SLC4A10: variants seen among roughly 807,000 people sequenced by gnomAD.
SLC4A10 encodes the protein solute carrier family 4 member 10.
Under a neutral mutation model 137.7 loss-of-function variants are expected in SLC4A10, and 42 were observed. That is an observed-to-expected ratio of 0.30 (90% CI 0.24 to 0.39). The LOEUF is 0.39. Ranked by LOEUF, SLC4A10 falls within the 10% of genes least tolerant of loss-of-function variation. The probability of loss-of-function intolerance (pLI) is 1.00; values close to 1 mark genes in which losing one functional copy is unlikely to be tolerated. For synonymous variants in SLC4A10, 474 were observed against 464.1 expected, an observed-to-expected ratio of 1.02 and a Z score of -0.27; for missense variants, 925 against 1,355.0, an observed-to-expected ratio of 0.68 and a Z score of 4.98.
At chr2:161,967,941 C>G (rs1247000798) in intron 23 of SLC4A10, among the ~76,000 whole-genome samples, 5 of 150,136 alleles carry the variant, frequency 3.3e-5, no homozygotes. Flanking sequence ...TATTTTTCTG[C>G]TTTTTTTTGT....
chr2:161,951,255 A>G (rs891853035), intron 19 of SLC4A10, among the ~76,000 whole-genome samples: 1 of 152,172 alleles, frequency 6.6e-6, no homozygotes, highest in African/African-American at 2.4e-5. Context: ...AATAAATTAC[A>G]ACTTCAACTA....
intron 8 of SLC4A10, among the ~76,000 whole-genome samples, chr2:161,875,984 A>G (rs1366253363): frequency 2.6e-5 from 4 of 152,174 alleles, no homozygotes; most frequent in Non-Finnish European, 5.9e-5. Context: ...TTTAACTCTT[A>G]GCGTGTAGTT....
At position 161,771,013 on chromosome 2, in the gene SLC4A10, G is replaced by A. The variant is rs764362891; in HGVS notation, c.89G>A (p.Arg30His). Residue 30 changes from arginine to histidine, a missense_variant, in exon 2 of 27, where the codon CGT (arginine) becomes CAT (histidine). Transcript: ENST00000446997. ...GCAGTTGTGGATAGAGGTGGAACTCGTTCTATTCTCAAAACACACTTTGAG... is the reference window on the plus strand; with the variant it reads ...GCAGTTGTGGATAGAGGTGGAACTCATTCTATTCTCAAAACACACTTTGAG... ...EEAVVDRGGT[R>H]SILKTHFEKE... 1.4e-4 allele frequency: 221 copies of A among 1,605,968 alleles called. No homozygotes were observed. Among genetic ancestry groups the A allele is most frequent in the Non-Finnish European group, 1.8e-4 (208 of 1,175,798 alleles).
intron 1 of SLC4A10, among the ~76,000 whole-genome samples, chr2:161,727,599 A>G (rs2046368933): frequency 1.3e-5 from 2 of 152,196 alleles, no homozygotes; most frequent in South Asian, 4.1e-4. Context: ...AGAAGGTGCT[A>G]TTACACAGGA....
chr2:161,694,187 A>C (rs1037262422), intron 1 of SLC4A10, among the ~76,000 whole-genome samples: 3 of 152,060 alleles, frequency 2.0e-5, no homozygotes, highest in African/African-American at 7.2e-5. Flanking sequence ...AGTATAAATA[A>C]ATCAAAATTG....
chr2:161,978,545 A>G (rs1202229067), intron 26 of SLC4A10, among the ~76,000 whole-genome samples: 1 of 152,196 alleles, frequency 6.6e-6, no homozygotes, highest in African/African-American at 2.4e-5. Context: ...AAGAGGCTAC[A>G]TTAGACTTAG....
intron 21 of SLC4A10, among the ~76,000 whole-genome samples, chr2:161,958,970 T>C (rs1696141979): frequency 6.6e-6 from 1 of 152,304 alleles, no homozygotes; most frequent in East Asian, 1.9e-4. Context: ...AACAACCCAA[T>C]TCTCTAACTG....
intron 19 of SLC4A10, among the ~76,000 whole-genome samples, chr2:161,955,085 C>A (rs1222297420): frequency 2.6e-5 from 4 of 152,082 alleles, no homozygotes; most frequent in Non-Finnish European, 5.9e-5. Flanking sequence ...CATAATTTTG[C>A]AAAATAGCTC....
At chr2:161,899,143 A>G (rs1285100641) in intron 11 of SLC4A10, among the ~76,000 whole-genome samples, 2 of 152,118 alleles carry the variant, frequency 1.3e-5, no homozygotes, top group Non-Finnish European at 2.9e-5. Context: ...TGCACTAGAA[A>G]GAACCTATCT....
chr2:161,744,181 C>T (rs2048187530), intron 1 of SLC4A10, among the ~76,000 whole-genome samples: 1 of 152,024 alleles, frequency 6.6e-6, no homozygotes, highest in South Asian at 2.1e-4. Context: ...CAACAGCAGT[C>T]AAAGTGGGCA....
intron 2 of SLC4A10, among the ~76,000 whole-genome samples, chr2:161,788,227 G>A (rs557805167): frequency 9.2e-5 from 14 of 151,952 alleles, no homozygotes; most frequent in African/African-American, 3.1e-4. Context: ...AATGCTGCTT[G>A]TTGTAGACAT....
chr2:161,742,399 C>T (rs369186911), intron 1 of SLC4A10, among the ~76,000 whole-genome samples: 9 of 150,008 alleles, frequency 6.0e-5, no homozygotes, highest in South Asian at 4.2e-4. Context: ...AACCTGCATA[C>T]GGTTCTCCTT....
chr2:161,928,429 G>A (rs1689642379), intron 15 of SLC4A10, among the ~76,000 whole-genome samples: 2 of 148,352 alleles, frequency 1.3e-5, no homozygotes, highest in South Asian at 2.2e-4. Flanking sequence ...GCTAAATGAC[G>A]AGTTAATGGG....
chr2:161,790,477 TCAACTGGTGGAG>T (rs1257358826), intron 2 of SLC4A10, among the ~76,000 whole-genome samples: 2 of 152,186 alleles, frequency 1.3e-5, no homozygotes, highest in South Asian at 2.1e-4. Flanking sequence ...AGGATCAATG[TCAACTGGTGGAG>T]CAATTCTAAG....
intron 3 of SLC4A10, among the ~76,000 whole-genome samples, chr2:161,816,002 CT>C (rs2057023121): frequency 6.6e-6 from 1 of 152,104 alleles, no homozygotes; most frequent in South Asian, 2.1e-4. Flanking sequence ...CTAGATTTCA[CT>C]TTTTTCAGTT....
chr2:161,880,130 A>G (rs964655030), intron 9 of SLC4A10, among the ~76,000 whole-genome samples: 9 of 152,080 alleles, frequency 5.9e-5, no homozygotes, highest in African/African-American at 2.2e-4. Context: ...ATAGCCTTTT[A>G]CTCTAGTCCT....
At chr2:161,905,429 C>A (rs1684129472) in intron 14 of SLC4A10, among the ~76,000 whole-genome samples, 1 of 152,178 alleles carries the variant, frequency 6.6e-6, no homozygotes, top group Non-Finnish European at 1.5e-5. Context: ...CACTCGCCTG[C>A]CACTCACCTC....
At chr2:161,888,607 T>C (rs147931676) in intron 10 of SLC4A10, among the ~76,000 whole-genome samples, 4,898 of 152,258 alleles carry the variant, frequency 0.032, 135 homozygotes, top group Non-Finnish European at 0.047. Flanking sequence ...TATTGGTGTA[T>C]AGGAATGCTT....
chr2:161,936,914 A>T (rs1328576264), intron 15 of SLC4A10, among the ~76,000 whole-genome samples: 1 of 152,114 alleles, frequency 6.6e-6, no homozygotes, highest in Non-Finnish European at 1.5e-5. Flanking sequence ...CTTAAGGTAC[A>T]ATGTTATAGG....
Sources: gnomAD v4.1 joint callset for allele counts (sites outside exome capture counted in the v4.1 genomes callset) on GRCh38, gnomAD v4.1.1 for gene constraint, MANE v1.5 for transcripts, NCBI Gene and HGNC (gene_info 2026-07-23, HGNC 2026-07-21) for gene names.